RPS6KC1: variants seen among roughly 807,000 people sequenced by gnomAD.
RPS6KC1 encodes inactive ribosomal protein S6 kinase delta-1.
A neutral mutation model predicts 103.8 loss-of-function variants in RPS6KC1; 54 were observed. The ratio of observed to expected loss-of-function variants is 0.52; its 90% CI spans 0.42 to 0.65. RPS6KC1 has a LOEUF of 0.65. Ranked by LOEUF, RPS6KC1 falls within the 30% of genes least tolerant of loss-of-function variation. RPS6KC1 has a pLI of 0.00. For missense variants in RPS6KC1, 1,151 were observed against 1,253.8 expected, an observed-to-expected ratio of 0.92 and a Z score of 1.24; for synonymous variants, 439 against 438.7, an observed-to-expected ratio of 1.00 and a Z score of -0.01.
chr1:213,279,756 C>T (rs560566966), downstream of RPS6KC1, among the ~76,000 whole-genome samples: 33 of 152,252 alleles, frequency 2.2e-4, no homozygotes, highest in African/African-American at 7.5e-4. Flanking sequence ...CTTCTTGCAA[C>T]TTTTCTTTAA....
At chr1:213,168,122 T>C in intron 7 of RPS6KC1, 149 bp downstream of exon 7, 2 of 539,774 alleles carry the variant, frequency 3.7e-6, no homozygotes, top group Non-Finnish European at 6.5e-6. Context: ...AAGAAATGCA[T>C]TATAGCAAAC....
chr1:213,373,235 G>A, the RPS6KC1 span, among the ~76,000 whole-genome samples: 1 of 152,200 alleles, frequency 6.6e-6, no homozygotes, highest in Non-Finnish European at 1.5e-5. Flanking sequence ...GGTAGCTGGA[G>A]GGCCAGTGTT....
At chr1:213,470,767 T>C in the RPS6KC1 span, among the ~76,000 whole-genome samples, 1 of 151,882 alleles carries the variant, frequency 6.6e-6, no homozygotes, top group Non-Finnish European at 1.5e-5. Context: ...ACTATGGGCA[T>C]GTGCTACCTG....
chr1:213,148,556 A>G (rs1038334045), intron 6 of RPS6KC1, among the ~76,000 whole-genome samples: 1 of 152,138 alleles, frequency 6.6e-6, no homozygotes, highest in East Asian at 1.9e-4. Flanking sequence ...GATCTTTACA[A>G]TGTATTGTTG....
At chr1:213,242,724 A>C (rs2148954062) in intron 12 of RPS6KC1, 66 bp downstream of exon 12, 1 of 1,197,886 alleles carries the variant, frequency 8.3e-7, no homozygotes, top group African/African-American at 1.5e-5. Context: ...TTCTTTATAG[A>C]AGTTGTATTT....
At chr1:213,185,161 A>G (rs988717051) in intron 8 of RPS6KC1, among the ~76,000 whole-genome samples, 2 of 152,056 alleles carry the variant, frequency 1.3e-5, no homozygotes, top group Non-Finnish European at 1.5e-5. Context: ...GCTTGGTTTT[A>G]CAATCTTAGA....
At chr1:213,054,889 G>A (rs777557531) in intron 1 of RPS6KC1, among the ~76,000 whole-genome samples, 31 of 152,180 alleles carry the variant, frequency 2.0e-4, no homozygotes, top group Non-Finnish European at 4.3e-4. Context: ...GGAGACACAA[G>A]TGTAAGAGAA....
chr1:213,444,744 CAAAA>C, the RPS6KC1 span, among the ~76,000 whole-genome samples: 2 of 87,542 alleles, frequency 2.3e-5, no homozygotes, highest in Non-Finnish European at 4.2e-5. Flanking sequence ...AACTCCAACT[CAAAA>C]AAAAAAAAAA....
the RPS6KC1 span, among the ~76,000 whole-genome samples, chr1:213,762,301 C>A: frequency 3.3e-5 from 5 of 152,302 alleles, no homozygotes; most frequent in East Asian, 7.7e-4. Flanking sequence ...CCTCTCCCCT[C>A]TGCCTCATTT....
At chr1:213,280,305 C>G in the RPS6KC1 span, among the ~76,000 whole-genome samples, 1 of 152,188 alleles carries the variant, frequency 6.6e-6, no homozygotes, top group African/African-American at 2.4e-5. Context: ...TCAAATAACT[C>G]ACCCTTTGTA....
chr1:213,190,661 T>G (rs1573138753), intron 8 of RPS6KC1, among the ~76,000 whole-genome samples: 1 of 152,344 alleles, frequency 6.6e-6, no homozygotes, highest in Admixed American at 6.5e-5. Context: ...CTTGATATGA[T>G]CCTATTTGTC....
chr1:213,470,003 C>T, the RPS6KC1 span, among the ~76,000 whole-genome samples: 1 of 152,070 alleles, frequency 6.6e-6, no homozygotes, highest in African/African-American at 2.4e-5. Context: ...ACAGAGAGAC[C>T]TGGGTGACAA....
the RPS6KC1 span, among the ~76,000 whole-genome samples, chr1:213,773,431 T>G: frequency 6.7e-5 from 10 of 148,802 alleles, no homozygotes; most frequent in East Asian, 3.9e-4. Flanking sequence ...TATCTATATC[T>G]ATTATATATC....
chr1:213,259,637 T>C (rs1421358216), intron 12 of RPS6KC1, among the ~76,000 whole-genome samples: 2 of 152,182 alleles, frequency 1.3e-5, no homozygotes, highest in East Asian at 3.8e-4. Flanking sequence ...TTTTTCTAAA[T>C]GTGTACTTTT....
At chr1:213,124,979 C>T (rs539859332) in intron 5 of RPS6KC1, among the ~76,000 whole-genome samples, 19 of 152,210 alleles carry the variant, frequency 1.2e-4, no homozygotes, top group East Asian at 1.9e-4. Flanking sequence ...GAATTCTTGA[C>T]GCTAGCTGCT....
At chr1:213,414,169 C>T in the RPS6KC1 span, among the ~76,000 whole-genome samples, 1 of 152,134 alleles carries the variant, frequency 6.6e-6, no homozygotes. Context: ...GGGACCTTAC[C>T]AACGCCTTTC....
At chr1:213,449,458 T>C in the RPS6KC1 span, among the ~76,000 whole-genome samples, 4 of 152,180 alleles carry the variant, frequency 2.6e-5, no homozygotes, top group African/African-American at 9.7e-5. Context: ...TGTGTCCTCA[T>C]GCGGCCTTCC....
chr1:213,260,513 A>C (rs981063119), intron 12 of RPS6KC1, among the ~76,000 whole-genome samples: 2 of 152,222 alleles, frequency 1.3e-5, no homozygotes, highest in Admixed American at 1.3e-4. Flanking sequence ...ACACAAGTAC[A>C]TTGACTAAGC....
Position 213,269,748 on chromosome 1 carries a change from C to T in RPS6KC1, c.3091-2776C>T, listed in dbSNP as rs138903881. ...TTTTAATCAGAATCTTAGCTTGCAC[C>T]GTAAGAAACTATGAAACAAAGCTAG... On this transcript the variant is annotated intron_variant, in intron 14 of 14. Coordinates refer to ENST00000366960, the MANE Select transcript of RPS6KC1 (RefSeq NM_012424.6). Among the ~76,000 whole-genome samples, 7 of 151,816 alleles carry T rather than the reference C, an allele frequency of 4.6e-5. No individual in the cohort carries two copies. In the East Asian group the frequency reaches 1.2e-3, roughly 25 times the overall value.
Sources: gnomAD v4.1 joint callset for allele counts (sites outside exome capture counted in the v4.1 genomes callset) on GRCh38, gnomAD v4.1.1 for gene constraint, MANE v1.5 for transcripts, NCBI Gene and HGNC (gene_info 2026-07-23, HGNC 2026-07-21) for gene names.